Variants in NLRP11 observed in about 807,000 individuals in gnomAD.
The protein encoded by NLRP11 is NLR family pyrin domain containing 11.
NLRP11 carries 53 observed loss-of-function variants against 79.3 expected under a neutral mutation model. The observed-to-expected ratio is 0.67, with a 90% CI of 0.54 to 0.84. The LOEUF (loss-of-function observed/expected upper bound fraction) is 0.84, where lower values mean the gene tolerates loss of function less well. Among genes scored for constraint, NLRP11 ranks in the 40% least tolerant of loss-of-function variants. The pLI, the probability that NLRP11 is intolerant of heterozygous loss-of-function variation, is 0.00. For missense variants in NLRP11, 1,264 were observed against 1,255.0 expected (o/e 1.01, Z -0.11); for synonymous variants, 518 against 462.6 (o/e 1.12, Z -1.54).
chr19:55,835,472 G>A (rs1481422388), upstream of NLRP11, among the ~76,000 whole-genome samples: 2 of 152,086 alleles, frequency 1.3e-5, no homozygotes, highest in African/African-American at 2.4e-5. Context: ...AGGCCGAGGC[G>A]GGCAGATCAC....
At chr19:55,821,008 T>A (rs2164657) in intron 1 of NLRP11, among the ~76,000 whole-genome samples, 35,824 of 152,006 alleles carry the variant, frequency 0.24, 5,375 homozygotes, top group African/African-American at 0.42. Flanking sequence ...CCAGAGCTGA[T>A]AAGAGTGGCT....
chr19:55,810,815 A>T (rs1221366437), intron 2 of NLRP11, among the ~76,000 whole-genome samples: 1 of 152,204 alleles, frequency 6.6e-6, no homozygotes, highest in Admixed American at 6.5e-5. Flanking sequence ...CTTTAAAGGA[A>T]AAAGGTTGAA....
intron 9 of NLRP11, among the ~76,000 whole-genome samples, chr19:55,788,202 T>C (rs1467660866): frequency 6.6e-6 from 1 of 152,196 alleles, no homozygotes; most frequent in African/African-American, 2.4e-5. Context: ...TCTCTCGTAA[T>C]GAGGGGTACA....
intron 1 of NLRP11, among the ~76,000 whole-genome samples, chr19:55,830,408 TA>T (rs1982638231): frequency 1.3e-5 from 2 of 152,192 alleles, no homozygotes; most frequent in Admixed American, 1.3e-4. Context: ...CATATTTCCC[TA>T]AACACTGTTG....
At chr19:55,794,177 T>C (rs1978571109) in intron 6 of NLRP11, among the ~76,000 whole-genome samples, 1 of 152,236 alleles carries the variant, frequency 6.6e-6, no homozygotes, top group Non-Finnish European at 1.5e-5. Context: ...TGTAGTGTTG[T>C]ACAACTCTAA....
exon 3 of NLRP11, chr19:55,808,917 G>A (rs773504710): frequency 1.7e-5 from 28 of 1,613,908 alleles, no homozygotes; most frequent in Non-Finnish European, 2.3e-5. Flanking sequence ...ACCTCCATGA[G>A]AGCATCCACA....
rs116695001 is a variant in NLRP11, at chr19:55,789,100, A to G, written c.2685-123T>C. The G allele has an allele frequency of 1.7e-3, 2,298 of 1,373,162 alleles. 37 individuals are homozygous for G. In the African/African-American group the frequency reaches 0.03, roughly 18 times the overall value. 85.1% of individuals were successfully genotyped at this position (1,373,162 alleles called of 1,614,324 possible). A position where few individuals can be genotyped will look rare whatever the true frequency, so the allele number is the denominator to read the frequency against. On this transcript the variant is annotated intron_variant, in intron 8 of 9. Coordinates refer to ENST00000589093, the Ensembl canonical transcript of NLRP11. Reference sequence around the variant, plus strand: ...TTTTGGGCAAAAGAACTGACTGTGCAATAAGAGTCCCATTTCAAACACTAG... The same window carrying G: ...TTTTGGGCAAAAGAACTGACTGTGCGATAAGAGTCCCATTTCAAACACTAG...
chr19:55,816,351 C>T (rs139269382), intron 2 of NLRP11, among the ~76,000 whole-genome samples: 42 of 152,268 alleles, frequency 2.8e-4, no homozygotes, highest in Non-Finnish European at 4.3e-4. Context: ...AATATATATG[C>T]ATCCAACACT....
intron 2 of NLRP11, 24 bp from the exon 3 acceptor site, chr19:55,810,362 A>G (rs1269622748): frequency 6.4e-7 from 1 of 1,568,530 alleles, no homozygotes; most frequent in Admixed American, 1.9e-5. Context: ...TACAGGGCAG[A>G]AAATACAGAA....
chr19:55,816,176 A>G (rs903535407), intron 2 of NLRP11, among the ~76,000 whole-genome samples: 3 of 152,208 alleles, frequency 2.0e-5, no homozygotes, highest in Non-Finnish European at 2.9e-5. Flanking sequence ...AGACACATAG[A>G]CTGAAAATAA....
chr19:55,809,800 G>T lies in NLRP11; in HGVS notation c.810C>A (p.Gly270=), dbSNP rs1272454987. 1 of 1,614,156 alleles carries T rather than the reference G, an allele frequency of 6.2e-7. No individual in the cohort carries two copies. Among genetic ancestry groups the T allele is most frequent in the Admixed American group, 1.7e-5 (1 of 60,022 alleles). The stretch of plus-strand genomic sequence containing the variant: ...GCCTTGAGGAGATGAGGAACCAGCA[G>T]CCTGGAGCCATTTTTCTCTTCAGCA... The change falls in exon 3 of 10, where the codon GGC becomes GGA. Residue 270 remains glycine, a synonymous_variant. Transcript: ENST00000589093. This position sits in a 1 kb window ranked among gnomAD's most constrained non-coding sequence, Gnocchi z 4.5.
chr19:55,816,414 C>CA (rs1981117317), intron 2 of NLRP11, among the ~76,000 whole-genome samples: 1 of 152,192 alleles, frequency 6.6e-6, no homozygotes, highest in Admixed American at 6.5e-5. Context: ...GACTCTAACA[C>CA]AATTACAGCT....
At chr19:55,798,278 G>T in intron 5 of NLRP11, 1 of 976,956 alleles carries the variant, frequency 1.0e-6, no homozygotes, top group Non-Finnish European at 1.2e-6. Context: ...GATTCCAGGC[G>T]TGAGCCGTCG....
rs58694578 is a variant in NLRP11, at chr19:55,788,694, C to CACG, written c.2855+110_2855+112dup. Reference sequence around the variant, plus strand: ...GGCTGATGTTGCAATGAGCCAAGATCACGCCACTGCACTCCAGCCTGGGCA... The same window carrying CACG: ...GGCTGATGTTGCAATGAGCCAAGATCACGACGCCACTGCACTCCAGCCTGGGCA... On this transcript the variant is annotated intron_variant, in intron 9 of 9. Coordinates refer to ENST00000589093, the Ensembl canonical transcript of NLRP11. 5,328 of 708,014 alleles carry CACG rather than the reference C, an allele frequency of 7.5e-3. 114 individuals carry two copies. Among genetic ancestry groups the CACG allele is most frequent in the African/African-American group, 0.059 (2,780 of 47,128 alleles). The allele number at this position is 708,014 out of a possible 1,614,324, so 43.9% of individuals were successfully genotyped here.
chr19:55,804,793 G>A (rs758001441), intron 4 of NLRP11, among the ~76,000 whole-genome samples: 36 of 149,010 alleles, frequency 2.4e-4, no homozygotes, highest in East Asian at 4.1e-4. Flanking sequence ...GGCTGGGTGC[G>A]GTGGCTCACC....
chr19:55,828,146 C>T (rs1260534765), intron 1 of NLRP11, among the ~76,000 whole-genome samples: 1 of 151,302 alleles, frequency 6.6e-6, no homozygotes, highest in Non-Finnish European at 1.5e-5. Context: ...AATCATCATT[C>T]TCAGTAAACT....
chr19:55,828,378 G>A (rs574705015), intron 1 of NLRP11, among the ~76,000 whole-genome samples: 2,203 of 151,534 alleles, frequency 0.015, 64 homozygotes, highest in African/African-American at 0.051. Flanking sequence ...TAACTAACCT[G>A]CACAATGTGC....
At chr19:55,801,543 A>C (rs1568632614) in intron 5 of NLRP11, 29 bp downstream of exon 5, 1 of 1,604,920 alleles carries the variant, frequency 6.2e-7, no homozygotes, top group East Asian at 2.2e-5. Flanking sequence ...CCTCACATGC[A>C]CTGAGCTTTC....
At chr19:55,810,206 G>A in exon 3 of NLRP11, 1 of 1,614,032 alleles carries the variant, frequency 6.2e-7, no homozygotes. Context: ...AGAATCATAG[G>A]CTAATTGAAG....
Sources: gnomAD v4.1 joint callset for allele counts (sites outside exome capture counted in the v4.1 genomes callset) on GRCh38, gnomAD v4.1.1 for gene constraint, Gnocchi (gnomAD v3.1) non-coding constraint, MANE v1.5 for transcripts, NCBI Gene and HGNC (gene_info 2026-07-23, HGNC 2026-07-21) for gene names.